Variants in PPFIA2 observed in about 807,000 individuals in gnomAD.
PPFIA2 encodes liprin-alpha-2.
PPFIA2 carries 46 observed loss-of-function variants against 175.5 expected under a neutral mutation model. That is an observed-to-expected ratio of 0.26 (90% CI 0.21 to 0.34). The LOEUF is 0.34. Ranked by LOEUF, PPFIA2 falls within the 10% of genes least tolerant of loss-of-function variation. PPFIA2 has a pLI of 1.00. For synonymous variants in PPFIA2, 568 were observed against 511.4 expected (o/e 1.11, Z -1.49); for missense variants, 1,179 against 1,506.1 (o/e 0.78, Z 3.60).
intron 4 of PPFIA2, among the ~76,000 whole-genome samples, chr12:81,576,855 G>T (rs115705978): frequency 6.6e-6 from 1 of 151,584 alleles, no homozygotes; most frequent in Non-Finnish European, 1.5e-5. Context: ...TTTTTGGAGG[G>T]AGGGATTGGT....
chr12:81,619,089 T>C (rs999739864), intron 4 of PPFIA2, among the ~76,000 whole-genome samples: 4 of 152,220 alleles, frequency 2.6e-5, no homozygotes, highest in African/African-American at 9.6e-5. Context: ...TAAATCATCA[T>C]TCAGTAACGG....
chr12:81,427,954 T>C (rs572701114), intron 7 of PPFIA2, among the ~76,000 whole-genome samples: 1 of 152,140 alleles, frequency 6.6e-6, no homozygotes, highest in African/African-American at 2.4e-5. Context: ...TAATTCAATC[T>C]TGAATCTTCT....
At chr12:81,309,593 G>A (rs1296681441) in intron 22 of PPFIA2, among the ~76,000 whole-genome samples, 1 of 152,048 alleles carries the variant, frequency 6.6e-6, no homozygotes, top group African/African-American at 2.4e-5. Context: ...TGGTGAAAAT[G>A]TATGAAAATC....
At chr12:81,453,827 TG>T (rs1454252972) in intron 5 of PPFIA2, among the ~76,000 whole-genome samples, 2 of 152,164 alleles carry the variant, frequency 1.3e-5, no homozygotes, top group Admixed American at 1.3e-4. Context: ...ACATAATACA[TG>T]GCCAGGACAT....
At chr12:81,333,979 G>A (rs965188213) in intron 21 of PPFIA2, among the ~76,000 whole-genome samples, 2 of 152,254 alleles carry the variant, frequency 1.3e-5, no homozygotes, top group South Asian at 2.1e-4. Context: ...GCCCCATTTT[G>A]ACATCTTGTC....
intron 19 of PPFIA2, among the ~76,000 whole-genome samples, chr12:81,344,415 T>C (rs1436121065): frequency 2.0e-5 from 3 of 150,866 alleles, no homozygotes; most frequent in Non-Finnish European, 3.0e-5. Flanking sequence ...ACACCATCCT[T>C]GGTTTAAATA....
At chr12:81,457,094 C>T (rs2053701580) in intron 5 of PPFIA2, among the ~76,000 whole-genome samples, 1 of 151,842 alleles carries the variant, frequency 6.6e-6, no homozygotes, top group African/African-American at 2.4e-5. Flanking sequence ...CAGCCTCTGC[C>T]TCCCAGGCCC....
intron 16 of PPFIA2, among the ~76,000 whole-genome samples, chr12:81,357,095 C>G (rs1165127521): frequency 6.6e-6 from 1 of 152,046 alleles, no homozygotes; most frequent in Non-Finnish European, 1.5e-5. Flanking sequence ...TATGGAAGAC[C>G]ACATGATACT....
chr12:81,404,627 A>G (rs1223750860), intron 8 of PPFIA2, among the ~76,000 whole-genome samples: 1 of 152,198 alleles, frequency 6.6e-6, no homozygotes, highest in Non-Finnish European at 1.5e-5. Flanking sequence ...AGATTTCTAT[A>G]AAATACATGG....
At chr12:81,559,147 T>C (rs1006201906) in intron 4 of PPFIA2, among the ~76,000 whole-genome samples, 9 of 151,644 alleles carry the variant, frequency 5.9e-5, no homozygotes, top group African/African-American at 2.2e-4. Context: ...TTTAAAGGAG[T>C]TAAGAATTGC....
At chr12:81,554,924 C>T (rs1442696184) in intron 4 of PPFIA2, among the ~76,000 whole-genome samples, 2 of 152,090 alleles carry the variant, frequency 1.3e-5, no homozygotes, top group East Asian at 3.9e-4. Flanking sequence ...ATGAGTCAAC[C>T]TTCTAATAAG....
intron 5 of PPFIA2, among the ~76,000 whole-genome samples, chr12:81,455,889 C>T (rs562941388): frequency 6.6e-6 from 1 of 152,250 alleles, no homozygotes; most frequent in South Asian, 2.1e-4. Flanking sequence ...TCTGAGCTCA[C>T]TTACCTGGTC....
At chr12:81,345,089 G>T (rs2058821606) in intron 18 of PPFIA2, among the ~76,000 whole-genome samples, 1 of 152,072 alleles carries the variant, frequency 6.6e-6, no homozygotes, top group Admixed American at 6.6e-5. Flanking sequence ...TATACAAGGA[G>T]TTTATAAATT....
At chr12:81,580,895 A>C (rs779695187) in intron 4 of PPFIA2, among the ~76,000 whole-genome samples, 15 of 151,894 alleles carry the variant, frequency 9.9e-5, no homozygotes, top group Non-Finnish European at 2.1e-4. Context: ...GAACTCACAG[A>C]ATCATGGGAA....
intron 8 of PPFIA2, among the ~76,000 whole-genome samples, chr12:81,387,161 C>A (rs972768034): frequency 6.6e-6 from 1 of 151,802 alleles, no homozygotes; most frequent in African/African-American, 2.4e-5. Context: ...TCAGCTCTTT[C>A]TCGGGGAAAA....
chr12:81,677,109 T>G (rs1470810193), intron 3 of PPFIA2, among the ~76,000 whole-genome samples: 2 of 151,926 alleles, frequency 1.3e-5, no homozygotes, highest in African/African-American at 4.8e-5. Flanking sequence ...TTTGAAGAGC[T>G]GAAGTGAGAG....
chr12:81,609,602 CT>C (rs974402870), intron 4 of PPFIA2, among the ~76,000 whole-genome samples: 9 of 152,054 alleles, frequency 5.9e-5, no homozygotes, highest in Non-Finnish European at 1.3e-4. Flanking sequence ...GACGCTTTCT[CT>C]TTTTTGTTTT....
At chr12:81,720,651 A>G (rs1047215787) in intron 3 of PPFIA2, among the ~76,000 whole-genome samples, 6 of 151,384 alleles carry the variant, frequency 4.0e-5, no homozygotes, top group Non-Finnish European at 8.9e-5. Context: ...AATTTTGAAC[A>G]GAGTTCCATG....
chr12:81,685,829 C>G (rs1489384030), intron 3 of PPFIA2, among the ~76,000 whole-genome samples: 1 of 152,032 alleles, frequency 6.6e-6, no homozygotes, highest in Admixed American at 6.6e-5. Context: ...TCTCCAGGAA[C>G]TGGTTGAGTA....
Sources: allele counts gnomAD v4.1 joint callset (sites outside exome capture counted in the v4.1 genomes callset), GRCh38; gene constraint gnomAD v4.1.1; transcripts MANE v1.5; gene names NCBI Gene and HGNC (gene_info 2026-07-23, HGNC 2026-07-21).